The following RPL4 variants were observed in gnomAD, a reference collection of about 807,000 sequenced individuals.
RPL4 encodes ribosomal protein L4.
In RPL4, 3 loss-of-function variants were observed where a neutral mutation model predicts 47.7. The ratio of observed to expected loss-of-function variants is 0.06; its 90% CI spans 0.03 to 0.16. The LOEUF is 0.16. Ranked by LOEUF, RPL4 falls within the 10% of genes least tolerant of loss-of-function variation. The probability of loss-of-function intolerance (pLI) is 1.00; values close to 1 mark genes in which losing one functional copy is unlikely to be tolerated. For synonymous variants in RPL4, 208 were observed against 182.1 expected, an observed-to-expected ratio of 1.14 and a Z score of -1.15; for missense variants, 413 against 551.3, an observed-to-expected ratio of 0.75 and a Z score of 2.51.
At chr15:66,503,932 G>A (rs1283285844) in intron 1 of RPL4, among the ~76,000 whole-genome samples, 1 of 152,080 alleles carries the variant, frequency 6.6e-6, no homozygotes, top group Admixed American at 6.5e-5. Flanking sequence ...CTCACCAGTG[G>A]AAAGACTGGT....
Position 66,501,393 on chromosome 15 carries a change from C to A in RPL4, c.658G>T (p.Ala220Ser), listed in dbSNP as rs374397558. 4 of 1,613,998 alleles carry A rather than the reference C, an allele frequency of 2.5e-6. No individual in the cohort carries two copies. In the African/African-American group the frequency reaches 5.3e-5, roughly 22 times the overall value. The change falls in exon 6 of 10, where the codon GCC becomes TCC. Residue 220 changes from alanine to serine, a missense_variant. Ala to Ser is a moderately conservative substitution (Grantham distance 99). Coordinates refer to ENST00000307961, the MANE Select transcript of RPL4 (RefSeq NM_000968.4). The stretch of plus-strand genomic sequence containing the variant: ...TAATTACCAGGGATGTTTCTGAAGG[C>A]CTTGATGATACCATTATCCTCATTA... ...IYNEDNGIIK[A>S]FRNIPGITLL... is the part of the protein sequence containing the mutation.
At position 66,498,246 on chromosome 15, in the gene RPL4, T is replaced by G. The variant is rs1893515945; in HGVS notation, c.*1161A>C. On this transcript the variant is annotated 3_prime_UTR_variant, in exon 10 of 10. Coordinates refer to ENST00000307961, the MANE Select transcript of RPL4 (RefSeq NM_000968.4). ...GGACTCACAGTGGACTTTAAAGGGG[T>G]AAGGCTGCACAAAATAGAGAAATAA... 1 of 155,034 alleles carries G rather than the reference T, an allele frequency of 6.5e-6. No homozygotes were observed. The allele number at this position is 155,034 out of a possible 1,614,324, so 9.6% of individuals were successfully genotyped here.
chr15:66,501,831 A>G lies in RPL4; in HGVS notation c.503T>C (p.Val168Ala), dbSNP rs11549581. Reference sequence around the variant, plus strand: ...GGCTTTAAGTTTCTTAAGGAGCAAAACAGCTTCCTTGGTCTTCTTGTAGCC... The same window carrying G: ...GGCTTTAAGTTTCTTAAGGAGCAAAGCAGCTTCCTTGGTCTTCTTGTAGCC... ...VEGYKKTKEA[V>A]LLLKKLKAWN... The change falls in exon 5 of 10, where the codon GTT becomes GCT. Residue 168 changes from valine (V) to alanine (A), a missense_variant. Val to Ala is a moderately conservative substitution (Grantham distance 64). Transcript: ENST00000307961. 114 of 1,611,908 alleles carry G rather than the reference A, an allele frequency of 7.1e-5. 1 individual carries two copies. In the East Asian group the frequency reaches 2.4e-3, roughly 34 times the overall value.
In RPL4 at chr15:66,499,519, T is replaced by C. The variant is rs1484490367; in HGVS notation, c.1172A>G (p.Lys391Arg). ...KGKKAAVGVK[K>R]QKKPLVGKKA... Reference sequence around the variant, plus strand: ...TTTTCCCACCAGAGGCTTCTTCTGCTTCTTAACACCAACAGCAGCCTTCTT... The same window carrying C: ...TTTTCCCACCAGAGGCTTCTTCTGCCTCTTAACACCAACAGCAGCCTTCTT... Residue 391 changes from lysine (K) to arginine (R), a missense_variant, in exon 10 of 10, where the codon AAG (lysine) becomes AGG (arginine). Around this residue, in one of 4 missense-constraint regions of RPL4, gnomAD observed 134 missense variants for 122.7 expected, o/e 1.09. Transcript: ENST00000307961. 2 of 1,612,600 alleles carry C rather than the reference T, an allele frequency of 1.2e-6. No homozygotes were observed. Among genetic ancestry groups the C allele is most frequent in the Non-Finnish European group, 1.7e-6 (2 of 1,179,840 alleles).
Position 66,498,975 on chromosome 15 carries a change from A to G in RPL4, c.*432T>C. The G allele has an allele frequency of 6.0e-6, 1 of 167,730 alleles. No homozygotes were observed. Among genetic ancestry groups the G allele is most frequent in the Non-Finnish European group, 1.3e-5 (1 of 77,246 alleles). The allele number at this position is 167,730 out of a possible 1,614,324, so 10.4% of individuals were successfully genotyped here. A position where few individuals can be genotyped will look rare whatever the true frequency, so the allele number is the denominator to read the frequency against. Reference sequence around the variant, plus strand: ...AAGAACACTTCTCAAGAGGTAATCAATTTTACTGCAGTACCAAAAAAATTG... The same window carrying G: ...AAGAACACTTCTCAAGAGGTAATCAGTTTTACTGCAGTACCAAAAAAATTG... On this transcript the variant is annotated 3_prime_UTR_variant, in exon 10 of 10. Transcript: ENST00000307961.
At position 66,503,469 on chromosome 15, in the gene RPL4, C is replaced by T; in HGVS notation, c.64G>A (p.Val22Ile). ...SEKGESSGKN[V>I]TLPAVFKAPI... The stretch of plus-strand genomic sequence containing the variant: ...GCCTTGAATACAGCAGGCAAAGTGA[C>T]ATTTTTGCCAGATGACTCCCCCTTT... Residue 22 changes from valine (V) to isoleucine (I), a missense_variant, in exon 2 of 10, where the codon GTC (valine) becomes ATC (isoleucine). By Grantham distance (29) the Val-to-Ile change is conservative (BLOSUM62 3). This residue lies in a region of RPL4 where 56 missense variants were observed against 70.6 expected (regional missense o/e 0.79). Transcript: ENST00000307961. The T allele has an allele frequency of 1.2e-6, 2 of 1,611,540 alleles. No homozygotes were observed. Among genetic ancestry groups the T allele is most frequent in the Non-Finnish European group, 1.7e-6 (2 of 1,177,864 alleles).
At chr15:66,503,257 C>T (rs1425989735) in intron 2 of RPL4, 93 bp from the exon 3 acceptor site, 11 of 1,588,182 alleles carry the variant, frequency 6.9e-6, no homozygotes, top group Admixed American at 3.3e-5. Context: ...TCAGAACATC[C>T]GAGAAAATCA....
In RPL4 at chr15:66,504,852, G is replaced by C; in HGVS notation, c.-62C>G. 1 of 1,600,232 alleles carries C rather than the reference G, an allele frequency of 6.2e-7. No individual in the cohort carries two copies. The highest frequency in any genetic ancestry group is 8.5e-7 in the Non-Finnish European group (1 of 1,173,476). Reference sequence around the variant, plus strand: ...GGCTGCTGCCACAGGAAAAGGAAGTGCTTACCACTCCCGCTGTATATGTCA... The same window carrying C: ...GGCTGCTGCCACAGGAAAAGGAAGTCCTTACCACTCCCGCTGTATATGTCA... On this transcript the variant is annotated 5_prime_UTR_variant, in exon 1 of 10. Transcript: ENST00000307961.
At position 66,502,743 on chromosome 15, in the gene RPL4, C is replaced by A; in HGVS notation, c.290G>T (p.Arg97Leu). 6.2e-7 allele frequency: 1 copy of A among 1,614,154 alleles called. No individual in the cohort carries two copies. Among genetic ancestry groups the A allele is most frequent in the Non-Finnish European group, 8.5e-7 (1 of 1,180,012 alleles). ...GGTTGGTGCAAACATTCGGCCTCCA[C>A]GACACATCTATTTTTCCAGTCAAGA... ...SGQGAFGNMCRGGRMFAPTKT... is the reference protein window; with the variant it reads ...SGQGAFGNMCLGGRMFAPTKT... The change falls in exon 4 of 10, where the codon CGT becomes CTT. Residue 97 changes from arginine (R) to leucine (L), a missense_variant. By Grantham distance (102) the Arg-to-Leu change is moderately radical. Coordinates refer to ENST00000307961, the MANE Select transcript of RPL4 (RefSeq NM_000968.4).
In RPL4 at chr15:66,500,128, C is replaced by G; in HGVS notation, c.966G>C (p.Leu322Phe). 4.3e-6 allele frequency: 7 copies of G among 1,613,288 alleles called. No homozygotes were observed. The highest frequency in any genetic ancestry group is 1.1e-5 in the South Asian group (1 of 91,026). The change falls in exon 9 of 10, where the codon TTG becomes TTC. Residue 322 changes from leucine to phenylalanine, a missense_variant. This residue lies in a region of RPL4 where 214 missense variants were observed against 304.2 expected (regional missense o/e 0.70). Coordinates refer to ENST00000307961, the MANE Select transcript of RPL4 (RefSeq NM_000968.4). The stretch of plus-strand genomic sequence containing the variant: ...ATGGGTTTAGCTTCAACATGATTCT[C>G]AAGTTTTTCAGTGGGTTCTTCTTTA... ...RVLKKNPLKN[L>F]RIMLKLNPYA...
At chr15:66,501,213 G>C (rs754576907) in intron 6 of RPL4, 108 bp from the exon 7 acceptor site, 3 of 1,552,046 alleles carry the variant, frequency 1.9e-6, no homozygotes, top group Non-Finnish European at 1.8e-6. Context: ...TATTAATTAT[G>C]AAGTTTCAAC....
rs563746389 is a variant in RPL4 at position 66,499,191 on chromosome 15, A to C, written c.*216T>G. 33 of 529,434 alleles carry C rather than the reference A, an allele frequency of 6.2e-5. No individual in the cohort carries two copies. The highest frequency in any genetic ancestry group is 4.6e-4 in the African/African-American group (24 of 52,020). The allele number at this position is 529,434 out of a possible 1,614,324, so 32.8% of individuals were successfully genotyped here. A position where few individuals can be genotyped will look rare whatever the true frequency, so the allele number is the denominator to read the frequency against. On this transcript the variant is annotated 3_prime_UTR_variant, in exon 10 of 10. Coordinates refer to ENST00000307961, the MANE Select transcript of RPL4 (RefSeq NM_000968.4). ...AATCATTCCCCTTCCACTGAACTCCATGGACTTAGTATAAATCCATGCCCC... is the reference window on the plus strand; with the variant it reads ...AATCATTCCCCTTCCACTGAACTCCCTGGACTTAGTATAAATCCATGCCCC...
Position 66,501,924 on chromosome 15 carries a change from C to A in RPL4, c.422-12G>T. On this transcript the variant is annotated splice_polypyrimidine_tract_variant and intron_variant, in intron 4 of 9. Transcript: ENST00000307961. Reference sequence around the variant, plus strand: ...CTCAATACGATGACCTAACAAAAACCAATGACACTTACTTGGTTATCCTGA... The same window carrying A: ...CTCAATACGATGACCTAACAAAAACAAATGACACTTACTTGGTTATCCTGA... 2 of 1,601,620 alleles carry A rather than the reference C, an allele frequency of 1.2e-6. No homozygotes were observed. Among genetic ancestry groups the A allele is most frequent in the African/African-American group, 1.4e-5 (1 of 73,898 alleles).
intron 5 of RPL4, 57 bp downstream of exon 5, chr15:66,501,731 A>G: frequency 2.5e-6 from 4 of 1,591,314 alleles, no homozygotes; most frequent in Non-Finnish European, 3.4e-6. Flanking sequence ...TCTGAAATTC[A>G]AAGTGACAAA....
At position 66,504,835 on chromosome 15, in the gene RPL4, C is replaced by A; in HGVS notation, c.-45G>T. ...CACGCTCCTCTCAGCCCGGCTGCTG[C>A]CACAGGAAAAGGAAGTGCTTACCAC... On this transcript the variant is annotated 5_prime_UTR_variant, in exon 1 of 10. Transcript: ENST00000307961. The A allele has an allele frequency of 6.2e-7, 1 of 1,608,078 alleles. No homozygotes were observed. The highest frequency in any genetic ancestry group is 8.5e-7 in the Non-Finnish European group (1 of 1,177,630).
rs981830991 is a variant in RPL4, at chr15:66,503,605, C to T, written c.4-76G>A. 15 of 1,415,964 alleles carry T rather than the reference C, an allele frequency of 1.1e-5. No homozygotes were observed. In the African/African-American group the frequency reaches 2.1e-4, roughly 20 times the overall value. The allele number at this position is 1,415,964 out of a possible 1,614,324, so 87.7% of individuals were successfully genotyped here. ...AACTCTTCTCATACGCCAACAATAC[C>T]ATTAAATACTCAATTGCAGAAGAGA... On this transcript the variant is annotated intron_variant, in intron 1 of 9. Transcript: ENST00000307961.
Position 66,501,474 on chromosome 15 carries a change from T to C in RPL4, c.577A>G (p.Lys193Glu). ...VYASQRMRAG[K>E]GKMRNRRRIQ... ...CGGCGACGGTTTCTCATTTTGCCTT[T>C]GCCAGCTCTCATTCGCTGAGAGGCA... The change falls in exon 6 of 10, where the codon AAA (lysine) becomes GAA (glutamate). Residue 193 changes from lysine to glutamate, a missense_variant. Physicochemically the swap from Lys to Glu is moderately conservative, Grantham distance 56. Coordinates refer to ENST00000307961, the MANE Select transcript of RPL4 (RefSeq NM_000968.4). 1 of 1,614,212 alleles carries C rather than the reference T, an allele frequency of 6.2e-7. No individual in the cohort carries two copies. The highest frequency in any genetic ancestry group is 8.5e-7 in the Non-Finnish European group (1 of 1,180,042).
At chr15:66,500,834 T>C (rs1365288619) in intron 7 of RPL4, 115 bp downstream of exon 7, 1 of 1,277,808 alleles carries the variant, frequency 7.8e-7, no homozygotes, top group Non-Finnish European at 1.1e-6. Flanking sequence ...CATTTTGGCA[T>C]ACTGTTGCTG....
intron 1 of RPL4, among the ~76,000 whole-genome samples, chr15:66,504,038 C>G (rs185067071): frequency 6.6e-6 from 1 of 152,320 alleles, no homozygotes; most frequent in Non-Finnish European, 1.5e-5. Flanking sequence ...CTTCTGATCT[C>G]AACTCCCATA....
Sources: gnomAD v4.1 joint callset for allele counts (sites outside exome capture counted in the v4.1 genomes callset) on GRCh38, gnomAD v4.1.1 for gene constraint, gnomAD v4.1.1 regional missense constraint, MANE v1.5 for transcripts, NCBI Gene and HGNC (gene_info 2026-07-23, HGNC 2026-07-21) for gene names.